ANKLE2: variants seen among roughly 807,000 people sequenced by gnomAD.
The protein encoded by ANKLE2 is ankyrin repeat and LEM domain containing 2.
A neutral mutation model predicts 84.2 loss-of-function variants in ANKLE2; 55 were observed. The observed-to-expected ratio is 0.65, with a 90% CI of 0.53 to 0.82. The LOEUF (loss-of-function observed/expected upper bound fraction) is 0.82. ANKLE2 is among the 40% of genes least tolerant of loss of function. ANKLE2 has a pLI of 0.00. For synonymous variants in ANKLE2, 551 were observed against 486.1 expected, an observed-to-expected ratio of 1.13 and a Z score of -1.76; for missense variants, 1,238 against 1,201.9, an observed-to-expected ratio of 1.03 and a Z score of -0.44.
At chr12:132,731,263 T>C (rs2043839147) in intron 10 of ANKLE2, 1 of 152,230 alleles carries the variant, frequency 6.6e-6, no homozygotes, top group Non-Finnish European at 1.5e-5. Context: ...TTTACAGAAG[T>C]GAGTTCTGTG....
Position 132,748,275 on chromosome 12 carries a change from T to C in ANKLE2, c.904A>G (p.Lys302Glu). 1 of 1,614,200 alleles carries C rather than the reference T, an allele frequency of 6.2e-7. No individual in the cohort carries two copies. ...GTGAGGTCCTGCGTGCGGGGATTTT[T>C]GTAACTGTTCGCTCGCTCTTTGTTG... ...TVNKERANSY[K>E]NPRTQDLTAK... is the part of the protein sequence containing the mutation. The change falls in exon 4 of 13, where the codon AAA (lysine) becomes GAA (glutamate). Residue 302 changes from lysine to glutamate, a missense_variant. Transcript: ENST00000357997.
intron 7 of ANKLE2, among the ~76,000 whole-genome samples, chr12:132,740,358 C>T (rs1457423954): frequency 6.6e-6 from 1 of 152,176 alleles, no homozygotes; most frequent in Non-Finnish European, 1.5e-5. Context: ...TGGTAAACTT[C>T]TATAAAATGT....
chr12:132,748,061 G>A lies in ANKLE2; in HGVS notation c.1042-41C>T, dbSNP rs752791773. The A allele has an allele frequency of 7.6e-5, 121 of 1,600,652 alleles. 1 individual carries two copies. The highest frequency in any genetic ancestry group is 9.8e-5 in the Non-Finnish European group (115 of 1,172,374). ...ATGCTCTGAGCTTCCTATCTGATGT[G>A]TGGACACGCCCTGTGCGAGTGCTGC... On this transcript the variant is annotated intron_variant, in intron 4 of 12. Coordinates refer to ENST00000357997, the MANE Select transcript of ANKLE2 (RefSeq NM_015114.3).
Position 132,748,034 on chromosome 12 carries a change from G to T in ANKLE2, c.1042-14C>A. 1 of 1,596,530 alleles carries T rather than the reference G, an allele frequency of 6.3e-7. No homozygotes were observed. Among genetic ancestry groups the T allele is most frequent in the Non-Finnish European group, 8.5e-7 (1 of 1,171,518 alleles). ...CCTGCACCCTTCCTGAAAGAGAACC[G>T]CATGCTCTGAGCTTCCTATCTGATG... is the stretch of plus-strand genomic sequence containing the variant. On this transcript the variant is annotated splice_polypyrimidine_tract_variant and intron_variant, in intron 4 of 12. Transcript: ENST00000357997.
At chr12:132,730,768 C>A (rs555109226) in intron 10 of ANKLE2, 17 of 156,604 alleles carry the variant, frequency 1.1e-4, no homozygotes, top group Non-Finnish European at 2.1e-4. Flanking sequence ...TGGGCTGTGA[C>A]TGCACCATTG....
intron 12 of ANKLE2, 145 bp downstream of exon 12, chr12:132,727,887 C>A: frequency 8.7e-7 from 1 of 1,150,556 alleles, no homozygotes; most frequent in East Asian, 2.4e-5. Context: ...GTGCAGAGAG[C>A]CACAACACCC....
chr12:132,731,269 C>A (rs2043839246), intron 10 of ANKLE2: 1 of 152,240 alleles, frequency 6.6e-6, no homozygotes, highest in African/African-American at 2.4e-5. Context: ...GAAGTGAGTT[C>A]TGTGCCACCA....
chr12:132,748,938 G>A (rs2044297643), intron 3 of ANKLE2: 1 of 151,174 alleles, frequency 6.6e-6, no homozygotes, highest in African/African-American at 2.4e-5. Flanking sequence ...TCAAACTCCT[G>A]GCTTCAAGGG....
intron 2 of ANKLE2, 36 bp from the exon 3 acceptor site, chr12:132,750,885 G>A (rs765978041): frequency 2.5e-6 from 4 of 1,581,250 alleles, no homozygotes; most frequent in Non-Finnish European, 3.5e-6. Flanking sequence ...AATCAGAGAA[G>A]AGTGACTGGA....
In ANKLE2 at chr12:132,729,760, A is replaced by G. The variant is rs1264717467; in HGVS notation, c.2402T>C (p.Met801Thr). Reference sequence around the variant, plus strand: ...CCTGGGGCTGCTGGGACTCAAGGACATTTTAGCGATCCTGGCTGACATTTC... The same window carrying G: ...CCTGGGGCTGCTGGGACTCAAGGACGTTTTAGCGATCCTGGCTGACATTTC... The part of the protein sequence containing the change: ...ESEMSARIAK[M>T]SLSPSSPRHE... The change falls in exon 11 of 13, where the codon ATG becomes ACG. Residue 801 changes from methionine to threonine, a missense_variant. This residue lies in a region of ANKLE2 where 802 missense variants were observed against 774.5 expected (regional missense o/e 1.04). Transcript: ENST00000357997. 4 of 1,611,716 alleles carry G rather than the reference A, an allele frequency of 2.5e-6. No individual in the cohort carries two copies. Among genetic ancestry groups the G allele is most frequent in the Non-Finnish European group, 3.4e-6 (4 of 1,179,538 alleles).
At chr12:132,737,355 T>C (rs753285510) in intron 7 of ANKLE2, 1 of 339,384 alleles carries the variant, frequency 2.9e-6, no homozygotes, top group Non-Finnish European at 5.4e-6. Flanking sequence ...GTTAAAGGAC[T>C]AAGGGGTCGG....
chr12:132,748,480 C>T lies in ANKLE2; in HGVS notation c.848-149G>A, dbSNP rs553622851. The T allele has an allele frequency of 4.5e-4, 362 of 800,192 alleles. 1 individual carries two copies. Among genetic ancestry groups the T allele is most frequent in the Middle Eastern group, 2.5e-3 (9 of 3,596 alleles). 49.6% of individuals were successfully genotyped at this position (800,192 alleles called of 1,614,324 possible). A position where few individuals can be genotyped will look rare whatever the true frequency, so the allele number is the denominator to read the frequency against. ...GGTGAGAAAAGACGAGAAGGGCCCA[C>T]GGCCACCGGCCCCAGCATGCAACGC... On this transcript the variant is annotated intron_variant, in intron 3 of 12. Transcript: ENST00000357997.
chr12:132,759,959 C>A (rs554075260), intron 1 of ANKLE2: 1 of 151,992 alleles, frequency 6.6e-6, no homozygotes, highest in African/African-American at 2.4e-5. Flanking sequence ...CATGGTGAAA[C>A]CCCGTCTCTA....
chr12:132,731,044 G>A (rs973769220), intron 10 of ANKLE2: 1 of 152,240 alleles, frequency 6.6e-6, no homozygotes, highest in Non-Finnish European at 1.5e-5. Context: ...CTTTAGGTGT[G>A]AAGATAACAC....
chr12:132,731,599 T>C (rs1198243837), intron 10 of ANKLE2: 1 of 152,164 alleles, frequency 6.6e-6, no homozygotes, highest in Non-Finnish European at 1.5e-5. Flanking sequence ...TCTCTAGTTA[T>C]TAGCAAATTT....
chr12:132,727,968 C>T, intron 12 of ANKLE2, 64 bp downstream of exon 12: 1 of 1,556,918 alleles, frequency 6.4e-7, no homozygotes, highest in Non-Finnish European at 8.6e-7. Flanking sequence ...TGAAGTGGAA[C>T]TGGACCCTGC....
intron 1 of ANKLE2, chr12:132,755,361 T>C (rs548690969): frequency 4.7e-6 from 2 of 428,374 alleles, no homozygotes; most frequent in South Asian, 3.1e-5. Flanking sequence ...CCGGCCAACA[T>C]GGTGAAACCA....
intron 1 of ANKLE2, chr12:132,757,136 G>A (rs2044505081): frequency 6.6e-6 from 1 of 152,222 alleles, no homozygotes; most frequent in South Asian, 2.1e-4. Context: ...AAAGGACTGT[G>A]CACCATTACC....
Position 132,761,800 on chromosome 12 carries a change from G to C in ANKLE2, c.-2C>G. Reference sequence around the variant, plus strand: ...CGCCGCCAGCCGCGGCCACAGCATCGCCGCCGCCCGGGCCGCAGCCGCCGA... The same window carrying C: ...CGCCGCCAGCCGCGGCCACAGCATCCCCGCCGCCCGGGCCGCAGCCGCCGA... On this transcript the variant is annotated 5_prime_UTR_variant, in exon 1 of 13. Transcript: ENST00000357997. The C allele has an allele frequency of 2.8e-6, 3 of 1,082,242 alleles. No individual in the cohort carries two copies. Among genetic ancestry groups the C allele is most frequent in the Non-Finnish European group, 3.4e-6 (3 of 895,072 alleles). The allele number at this position is 1,082,242 out of a possible 1,614,324, so 67.0% of individuals were successfully genotyped here.
Sources: gnomAD v4.1 joint callset for allele counts (sites outside exome capture counted in the v4.1 genomes callset) on GRCh38, gnomAD v4.1.1 for gene constraint, gnomAD v4.1.1 regional missense constraint, MANE v1.5 for transcripts, NCBI Gene and HGNC (gene_info 2026-07-23, HGNC 2026-07-21) for gene names.